Variants in LOC128092249 observed in about 807,000 individuals in gnomAD.
the LOC128092249 span, chr21:46,326,413 A>T: frequency 6.2e-7 from 1 of 1,614,228 alleles, no homozygotes; most frequent in Non-Finnish European, 8.5e-7. Flanking sequence ...AAAAGGTGAC[A>T]GTTCGCATTC....
At chr21:46,326,435 C>CG in the LOC128092249 span, 1 of 1,614,062 alleles carries the variant, frequency 6.2e-7, no homozygotes, top group Admixed American at 1.7e-5. Context: ...GAGAAAAAGA[C>CG]GGCGAAGAGG....
At chr21:46,326,434 ACGG>A in the LOC128092249 span, 1 of 1,614,232 alleles carries the variant, frequency 6.2e-7, no homozygotes, top group South Asian at 1.1e-5. Context: ...GGAGAAAAAG[ACGG>A]CGAAGAGGAA....
the LOC128092249 span, chr21:46,326,486 C>A: frequency 1.2e-6 from 2 of 1,614,178 alleles, no homozygotes; most frequent in South Asian, 2.2e-5. Flanking sequence ...GAGGAGAGTC[C>A]GGTAACCAAG....
the LOC128092249 span, chr21:46,326,324 TA>T: frequency 6.4e-7 from 1 of 1,567,086 alleles, no homozygotes; most frequent in Admixed American, 1.7e-5. Context: ...GTGGTTCTGT[TA>T]TTTTTTTCTC....
the LOC128092249 span, chr21:46,326,454 GGCT>G: frequency 6.2e-7 from 1 of 1,614,222 alleles, no homozygotes; most frequent in Non-Finnish European, 8.5e-7. Context: ...GGAAGGGCTC[GGCT>G]GTCGATGCGT....
At chr21:46,326,298 C>G in the LOC128092249 span, 1 of 1,384,182 alleles carries the variant, frequency 7.2e-7, no homozygotes, top group Non-Finnish European at 1.0e-6. Flanking sequence ...ATGGTCCCCA[C>G]CAGTCTGTTG....
At chr21:46,326,487 G>A in the LOC128092249 span, 15 of 1,614,204 alleles carry the variant, frequency 9.3e-6, no homozygotes, top group South Asian at 9.9e-5. Context: ...AGGAGAGTCC[G>A]GTAACCAAGG....
chr21:46,326,385 C>G, the LOC128092249 span: 6 of 1,614,192 alleles, frequency 3.7e-6, no homozygotes, highest in East Asian at 2.2e-5. Flanking sequence ...AGCTTGCTCA[C>G]TTCCGACAGA....
chr21:46,326,488 G>T, the LOC128092249 span: 1 of 1,614,226 alleles, frequency 6.2e-7, no homozygotes. Flanking sequence ...GGAGAGTCCG[G>T]TAACCAAGGA....
At chr21:46,326,454 G>A in the LOC128092249 span, 2 of 1,614,222 alleles carry the variant, frequency 1.2e-6, no homozygotes, top group South Asian at 2.2e-5. Context: ...GGAAGGGCTC[G>A]GCTGTCGATG....
chr21:46,326,396 G>C, the LOC128092249 span: 1 of 1,614,188 alleles, frequency 6.2e-7, no homozygotes, highest in Admixed American at 1.7e-5. Context: ...TTCCGACAGA[G>C]AAAAACAAAA....
chr21:46,326,360 T>C, the LOC128092249 span: 8 of 1,613,328 alleles, frequency 5.0e-6, no homozygotes, highest in Non-Finnish European at 5.9e-6. Flanking sequence ...TTACTACTTA[T>C]CTACATTTTT....
At chr21:46,326,455 G>A in the LOC128092249 span, 3 of 1,614,134 alleles carry the variant, frequency 1.9e-6, no homozygotes, top group African/African-American at 2.7e-5. Flanking sequence ...GAAGGGCTCG[G>A]CTGTCGATGC....
chr21:46,326,335 CACTT>C, the LOC128092249 span: 1 of 1,590,944 alleles, frequency 6.3e-7, no homozygotes, highest in Non-Finnish European at 8.6e-7. Flanking sequence ...ATTTTTTTCT[CACTT>C]ACCTTTGCCT....
chr21:46,326,388 C>T, the LOC128092249 span: 1 of 1,614,126 alleles, frequency 6.2e-7, no homozygotes. Context: ...TTGCTCACTT[C>T]CGACAGAGAA....
chr21:46,326,423 C>T, the LOC128092249 span: 14 of 1,614,174 alleles, frequency 8.7e-6, no homozygotes, highest in Admixed American at 1.7e-5. Flanking sequence ...AGTTCGCATT[C>T]GGAGAAAAAG....
chr21:46,326,358 T>C, the LOC128092249 span: 1 of 1,612,920 alleles, frequency 6.2e-7, no homozygotes, highest in Non-Finnish European at 8.5e-7. Context: ...CTTTACTACT[T>C]ATCTACATTT....
the LOC128092249 span, chr21:46,326,290 G>A: frequency 7.6e-7 from 1 of 1,309,786 alleles, no homozygotes; most frequent in Non-Finnish European, 1.1e-6. Flanking sequence ...CGGGCCTCAT[G>A]GTCCCCACCA....
At chr21:46,326,388 C>A in the LOC128092249 span, 5 of 1,614,010 alleles carry the variant, frequency 3.1e-6, no homozygotes, top group African/African-American at 6.7e-5. Flanking sequence ...TTGCTCACTT[C>A]CGACAGAGAA....
Sources: allele counts gnomAD v4.1 joint callset, GRCh38; gene constraint gnomAD v4.1.1; transcripts MANE v1.5.